The following LOC128706666 variants were observed in gnomAD, a reference collection of about 807,000 sequenced individuals.
At chr20:10,416,808 T>C in the LOC128706666 span, among the ~76,000 whole-genome samples, 1 of 152,178 alleles carries the variant, frequency 6.6e-6, no homozygotes, top group East Asian at 1.9e-4. Context: ...CTATGGACCA[T>C]ATCCAGACTG....
At chr20:10,428,562 GGCGCGGTGGCTC>G in the LOC128706666 span, among the ~76,000 whole-genome samples, 1 of 152,252 alleles carries the variant, frequency 6.6e-6, no homozygotes, top group Non-Finnish European at 1.5e-5. Context: ...CTTTCAGCTG[GGCGCGGTGGCTC>G]ACGCCTCTAA....
the LOC128706666 span, among the ~76,000 whole-genome samples, chr20:10,419,258 T>G: frequency 6.6e-6 from 1 of 152,152 alleles, no homozygotes; most frequent in Non-Finnish European, 1.5e-5. Flanking sequence ...TGCTTTACAA[T>G]TACAGGGTCA....
the LOC128706666 span, among the ~76,000 whole-genome samples, chr20:10,422,522 T>A: frequency 3.3e-5 from 5 of 152,138 alleles, no homozygotes; most frequent in Non-Finnish European, 5.9e-5. Flanking sequence ...TATTAAGGGC[T>A]ACTTACTTAT....
chr20:10,423,309 C>T, the LOC128706666 span, among the ~76,000 whole-genome samples: 29 of 151,978 alleles, frequency 1.9e-4, no homozygotes, highest in Non-Finnish European at 2.8e-4. Context: ...GTTCTAGCTG[C>T]GTGGGGGGTG....
chr20:10,417,547 G>C, the LOC128706666 span, among the ~76,000 whole-genome samples: 1 of 152,150 alleles, frequency 6.6e-6, no homozygotes, highest in Non-Finnish European at 1.5e-5. Flanking sequence ...AGAGTTTGAG[G>C]CTGCAGTGAG....
chr20:10,431,433 G>C, the LOC128706666 span, among the ~76,000 whole-genome samples: 1 of 152,092 alleles, frequency 6.6e-6, no homozygotes, highest in African/African-American at 2.4e-5. Context: ...ACCAAGAAGA[G>C]TAAGGCATGA....
chr20:10,434,113 C>T, the LOC128706666 span: 1 of 152,584 alleles, frequency 6.6e-6, no homozygotes, highest in Non-Finnish European at 1.5e-5. Flanking sequence ...CTCACCTGCG[C>T]ACCAGCCGTC....
At chr20:10,426,696 G>A in the LOC128706666 span, among the ~76,000 whole-genome samples, 1 of 152,180 alleles carries the variant, frequency 6.6e-6, no homozygotes, top group Non-Finnish European at 1.5e-5. Context: ...TGCACGCCCC[G>A]TGGCATGTCC....
the LOC128706666 span, among the ~76,000 whole-genome samples, chr20:10,418,591 A>G: frequency 6.6e-6 from 1 of 152,152 alleles, no homozygotes; most frequent in Non-Finnish European, 1.5e-5. Context: ...AAAACTTTTA[A>G]CTATTGCTGC....
the LOC128706666 span, among the ~76,000 whole-genome samples, chr20:10,420,983 T>G: frequency 6.6e-6 from 1 of 152,214 alleles, no homozygotes; most frequent in Non-Finnish European, 1.5e-5. Flanking sequence ...CAATACTGAC[T>G]TTTTGGCAAC....
chr20:10,427,590 A>C, the LOC128706666 span, among the ~76,000 whole-genome samples: 1 of 152,172 alleles, frequency 6.6e-6, no homozygotes, highest in Non-Finnish European at 1.5e-5. Context: ...TTTTATCCTC[A>C]ATTTTTAATA....
chr20:10,429,494 GAACT>G, the LOC128706666 span, among the ~76,000 whole-genome samples: 5 of 152,094 alleles, frequency 3.3e-5, no homozygotes, highest in South Asian at 2.1e-4. Flanking sequence ...GTACACCTTT[GAACT>G]AACCGTCCCC....
chr20:10,431,343 A>T, the LOC128706666 span, among the ~76,000 whole-genome samples: 32 of 152,180 alleles, frequency 2.1e-4, no homozygotes, highest in Non-Finnish European at 4.0e-4. Context: ...CACTTCAAAT[A>T]TGTACAAGAT....
the LOC128706666 span, among the ~76,000 whole-genome samples, chr20:10,420,196 G>C: frequency 6.6e-6 from 1 of 152,042 alleles, no homozygotes; most frequent in African/African-American, 2.4e-5. Context: ...AACACTAATA[G>C]AAGAAAATAA....
chr20:10,415,946 G>A, the LOC128706666 span, among the ~76,000 whole-genome samples: 1 of 151,506 alleles, frequency 6.6e-6, no homozygotes, highest in African/African-American at 2.4e-5. Context: ...GTGGTCACAG[G>A]TCTAGACCTG....
the LOC128706666 span, chr20:10,434,209 T>A: frequency 6.6e-6 from 1 of 152,216 alleles, no homozygotes; most frequent in Non-Finnish European, 1.5e-5. Flanking sequence ...AACCTTCGCG[T>A]CGCGCGAGGG....
At chr20:10,433,401 G>T in the LOC128706666 span, among the ~76,000 whole-genome samples, 1 of 152,332 alleles carries the variant, frequency 6.6e-6, no homozygotes, top group East Asian at 1.9e-4. Context: ...AGAACATGGA[G>T]TCAGGACCGT....
At chr20:10,427,033 C>CACACACAG in the LOC128706666 span, among the ~76,000 whole-genome samples, 763 of 41,900 alleles carry the variant, frequency 0.018, 16 homozygotes, top group East Asian at 0.098. Context: ...AACACTGACA[C>CACACACAG]ACACACACAC....
chr20:10,422,460 G>A, the LOC128706666 span, among the ~76,000 whole-genome samples: 2 of 152,050 alleles, frequency 1.3e-5, no homozygotes, highest in African/African-American at 2.4e-5. Flanking sequence ...GGGAATTTAA[G>A]GGTACAATAA....
Sources: allele counts gnomAD v4.1 joint callset (sites outside exome capture counted in the v4.1 genomes callset), GRCh38; gene constraint gnomAD v4.1.1; transcripts MANE v1.5.